NCKAP1L: variants seen among roughly 807,000 people sequenced by gnomAD.
The protein encoded by NCKAP1L is nck-associated protein 1-like.
A neutral mutation model predicts 139.2 loss-of-function variants in NCKAP1L; 53 were observed. The observed-to-expected ratio is 0.38, with a 90% CI of 0.31 to 0.48. The LOEUF (loss-of-function observed/expected upper bound fraction) is 0.48, where lower values mean the gene tolerates loss of function less well. Ranked by LOEUF, NCKAP1L falls within the 20% of genes least tolerant of loss-of-function variation. The pLI is 0.98. For missense variants in NCKAP1L, 1,151 were observed against 1,381.9 expected (o/e 0.83, Z 2.65); for synonymous variants, 468 against 499.7 (o/e 0.94, Z 0.85).
intron 1 of NCKAP1L, among the ~76,000 whole-genome samples, 170 bp from the exon 2 acceptor site, chr12:54,499,185 A>G (rs1334212450): frequency 6.6e-6 from 1 of 152,120 alleles, no homozygotes; most frequent in Non-Finnish European, 1.5e-5. Context: ...CGGCCTCCCG[A>G]AGTGCTGGGA....
In NCKAP1L at chr12:54,512,034, C is replaced by T. The variant is rs1956893233; in HGVS notation, c.870C>T (p.Tyr290=). The change falls in exon 9 of 31, where the codon TAC becomes TAT. Residue 290 remains tyrosine (Y), a synonymous_variant. Coordinates refer to ENST00000293373, the MANE Select transcript of NCKAP1L (RefSeq NM_005337.5). ...AGCTGTGTCTGCAGGGCTCCCTCTA[C>T]ATCACCCTTATCCGTGAGGATGTGC... ...LWKLCLQGSL[Y]ITLIREDVLQ... 1 of 1,614,190 alleles carries T rather than the reference C, an allele frequency of 6.2e-7. No individual in the cohort carries two copies. Among genetic ancestry groups the T allele is most frequent in the Non-Finnish European group, 8.5e-7 (1 of 1,180,032 alleles).
At chr12:54,521,483 C>G (rs1956983365) in intron 18 of NCKAP1L, among the ~76,000 whole-genome samples, 1 of 152,196 alleles carries the variant, frequency 6.6e-6, no homozygotes, top group African/African-American at 2.4e-5. Flanking sequence ...TGCACTCCAA[C>G]AAAATCTGTG....
chr12:54,525,522 C>A (rs1384332993), intron 20 of NCKAP1L, among the ~76,000 whole-genome samples: 2 of 152,188 alleles, frequency 1.3e-5, no homozygotes, highest in African/African-American at 4.8e-5. Flanking sequence ...ATGAGTGTGA[C>A]ATTCAAGTTT....
At position 54,510,224 on chromosome 12, in the gene NCKAP1L, G is replaced by T. The variant is rs1956876334; in HGVS notation, c.735+239G>T. 5 of 565,620 alleles carry T rather than the reference G, an allele frequency of 8.8e-6. No homozygotes were observed. The Admixed American group carries it at 1.3e-4, about 14-fold the overall frequency. The allele number at this position is 565,620 out of a possible 1,614,324, so 35.0% of individuals were successfully genotyped here. A position where few individuals can be genotyped will look rare whatever the true frequency, so the allele number is the denominator to read the frequency against. ...TCTATAAGCAGTTAGCCTGTCCATA[G>T]AAGGAATTTAGTAAATATTCATAGA... On this transcript the variant is annotated intron_variant, in intron 7 of 30. Coordinates refer to ENST00000293373, the MANE Select transcript of NCKAP1L (RefSeq NM_005337.5).
Position 54,518,980 on chromosome 12 carries a change from T to A in NCKAP1L, c.1479+8T>A, listed in dbSNP as rs756862433. The A allele has an allele frequency of 1.9e-6, 3 of 1,610,542 alleles. No individual in the cohort carries two copies. The highest frequency in any genetic ancestry group is 2.5e-6 in the Non-Finnish European group (3 of 1,176,890). On this transcript the variant is annotated splice_region_variant and intron_variant, in intron 15 of 30. Coordinates refer to ENST00000293373, the MANE Select transcript of NCKAP1L (RefSeq NM_005337.5). Reference sequence around the variant, plus strand: ...GACTGGTTCCGCCTACAGGTAATGATCTGTTCCTGTTAAAGATTCTCATCC... The same window carrying A: ...GACTGGTTCCGCCTACAGGTAATGAACTGTTCCTGTTAAAGATTCTCATCC...
chr12:54,524,376 G>C (rs771174784), intron 20 of NCKAP1L, among the ~76,000 whole-genome samples: 20 of 152,168 alleles, frequency 1.3e-4, no homozygotes, highest in Non-Finnish European at 2.9e-5. Context: ...CCATAATTGA[G>C]AGTTGGTAGA....
chr12:54,518,345 A>G (rs1956951248), intron 13 of NCKAP1L, among the ~76,000 whole-genome samples: 1 of 152,110 alleles, frequency 6.6e-6, no homozygotes, highest in Non-Finnish European at 1.5e-5. Flanking sequence ...CTGTCTCAAA[A>G]AAAAAAAGGT....
chr12:54,509,826 T>A, intron 6 of NCKAP1L, 22 bp from the exon 7 acceptor site: 1 of 1,613,998 alleles, frequency 6.2e-7, no homozygotes, highest in Non-Finnish European at 8.5e-7. Flanking sequence ...GCCGCTAAGG[T>A]TTCATTTGCT....
Position 54,506,796 on chromosome 12 carries a change from A to AAAATAT in NCKAP1L, c.307-1056_307-1055insAATATA. Among the ~76,000 whole-genome samples, 301 of 50,602 alleles carry AAAATAT rather than the reference A, an allele frequency of 5.9e-3. 6 individuals are homozygous for AAAATAT. Among genetic ancestry groups the AAAATAT allele is most frequent in the African/African-American group, 0.014 (127 of 9,062 alleles). 33.2% of individuals were successfully genotyped at this position (50,602 alleles called of 152,430 possible). On this transcript the variant is annotated intron_variant, in intron 3 of 30. Transcript: ENST00000293373. ...TTTTGGCAACATATTAAAAAAAAAA[A>AAAATAT]ATATATATATATATATATATATATA...
chr12:54,527,863 G>A (rs1450920341), intron 21 of NCKAP1L, among the ~76,000 whole-genome samples: 2 of 152,200 alleles, frequency 1.3e-5, no homozygotes, highest in Admixed American at 6.5e-5. Flanking sequence ...AGGTTTGAGA[G>A]TATATTTCAA....
At chr12:54,515,001 A>G (rs933782807) in intron 9 of NCKAP1L, among the ~76,000 whole-genome samples, 4 of 152,362 alleles carry the variant, frequency 2.6e-5, no homozygotes, top group Admixed American at 2.0e-4. Context: ...GTTCTTTGAC[A>G]TAAATGATCT....
chr12:54,536,869 A>G (rs1957117394), intron 28 of NCKAP1L, 75 bp from the exon 29 acceptor site: 1 of 962,264 alleles, frequency 1.0e-6, no homozygotes, highest in Admixed American at 1.8e-5. Context: ...AGAAATTACT[A>G]GTTTGGGTCA....
intron 3 of NCKAP1L, among the ~76,000 whole-genome samples, chr12:54,506,642 CA>C (rs1214939057): frequency 6.7e-6 from 1 of 149,056 alleles, no homozygotes; most frequent in African/African-American, 2.5e-5. Context: ...TCATGTTGGC[CA>C]GGCTCTCTTG....
chr12:54,497,890 A>G lies in NCKAP1L; in HGVS notation c.101A>G (p.Lys34Arg). ...GVLIRMYNIKKTCSDPKSKPP... is the reference protein window; with the variant it reads ...GVLIRMYNIKRTCSDPKSKPP... Reference sequence around the variant, plus strand: ...CTCATCCGTATGTATAACATCAAGAAGGTAAGCATGAACAATGGGACTAGT... The same window carrying G: ...CTCATCCGTATGTATAACATCAAGAGGGTAAGCATGAACAATGGGACTAGT... The change falls in exon 1 of 31, where the codon AAG (lysine) becomes AGG (arginine). Residue 34 changes from lysine (K) to arginine (R), a missense_variant and splice_region_variant. Coordinates refer to ENST00000293373, the MANE Select transcript of NCKAP1L (RefSeq NM_005337.5). 6.3e-7 allele frequency: 1 copy of G among 1,587,306 alleles called. No homozygotes were observed. The highest frequency in any genetic ancestry group is 8.7e-7 in the Non-Finnish European group (1 of 1,155,490).
intron 4 of NCKAP1L, 30 bp downstream of exon 4, chr12:54,507,939 T>C (rs201222704): frequency 3.7e-6 from 6 of 1,607,024 alleles, no homozygotes; most frequent in Non-Finnish European, 5.1e-6. Context: ...TCTTCTATCG[T>C]AGAGTCAAAG....
Position 54,536,986 on chromosome 12 carries a change from A to G in NCKAP1L, c.3116A>G (p.Gln1039Arg). 1 of 1,613,794 alleles carries G rather than the reference A, an allele frequency of 6.2e-7. No homozygotes were observed. ...CATTGCTTGACCAAAGCCATCATCCAGGTGTCTGCTGCCCTCTTCACGCTC... is the reference window on the plus strand; with the variant it reads ...CATTGCTTGACCAAAGCCATCATCCGGGTGTCTGCTGCCCTCTTCACGCTC... ...NIHCLTKAII[Q>R]VSAALFTLYN... is the part of the protein sequence containing the mutation. The change falls in exon 29 of 31, where the codon CAG (glutamine) becomes CGG (arginine). Residue 1039 changes from glutamine to arginine, a missense_variant. By Grantham distance (43) the Gln-to-Arg change is conservative. Transcript: ENST00000293373.
At chr12:54,511,693 C>T (rs1956891012) in intron 7 of NCKAP1L, 110 bp from the exon 8 acceptor site, 1 of 1,203,712 alleles carries the variant, frequency 8.3e-7, no homozygotes, top group African/African-American at 1.5e-5. Context: ...AGGCGTTAGC[C>T]ACCACCCCTT....
At chr12:54,530,849 A>G (rs903259337) in intron 22 of NCKAP1L, among the ~76,000 whole-genome samples, 4 of 152,198 alleles carry the variant, frequency 2.6e-5, no homozygotes, top group Non-Finnish European at 4.4e-5. Flanking sequence ...TGGGTTGTTC[A>G]TGGCAGATAT....
chr12:54,536,346 G>T, intron 28 of NCKAP1L, 101 bp downstream of exon 28: 1 of 884,060 alleles, frequency 1.1e-6, no homozygotes. Context: ...TTCTGACTTG[G>T]GTGTAAAGTT....
Sources: allele counts gnomAD v4.1 joint callset (sites outside exome capture counted in the v4.1 genomes callset), GRCh38; gene constraint gnomAD v4.1.1; transcripts MANE v1.5; gene names NCBI Gene and HGNC (gene_info 2026-07-23, HGNC 2026-07-21).